AUNIP: variants seen among roughly 807,000 people sequenced by gnomAD.
AUNIP encodes the protein aurora kinase A and ninein interacting protein.
AUNIP carries 16 observed loss-of-function variants against 12.2 expected under a neutral mutation model. The observed-to-expected ratio is 1.31, with a 90% CI of 0.88 to 1.99. The LOEUF is 1.99. Ranked by LOEUF, AUNIP falls within the 30% of genes most tolerant of loss-of-function variation. The probability of loss-of-function intolerance (pLI) is 0.00; values close to 1 mark genes in which losing one functional copy is unlikely to be tolerated. For missense variants in AUNIP, 411 were observed against 419.1 expected (o/e 0.98, Z 0.17); for synonymous variants, 142 against 154.8 (o/e 0.92, Z 0.61).
At position 25,847,125 on chromosome 1, in the gene AUNIP, T is replaced by C. The variant is rs2048388267; in HGVS notation, c.79-9571A>G. ...CATTTTCTATTTTTATTTTTCTCTG[T>C]CCTTTACCTACTCAGCTACCAATTT... On this transcript the variant is annotated intron_variant, in intron 1 of 2. Transcript: ENST00000374298. This position sits in a 1 kb window ranked among gnomAD's most constrained non-coding sequence, Gnocchi z 4.2. Among the ~76,000 whole-genome samples, 1 of 152,240 alleles carries C rather than the reference T, an allele frequency of 6.6e-6. No individual in the cohort carries two copies. Among genetic ancestry groups the C allele is most frequent in the South Asian group, 2.1e-4 (1 of 4,832 alleles).
In AUNIP at chr1:25,834,915, C is replaced by A; in HGVS notation, c.*78G>T. 6.5e-7 allele frequency: 1 copy of A among 1,531,236 alleles called. No individual in the cohort carries two copies. 94.9% of individuals were successfully genotyped at this position (1,531,236 alleles called of 1,614,324 possible). A position where few individuals can be genotyped will look rare whatever the true frequency, so the allele number is the denominator to read the frequency against. On this transcript the variant is annotated 3_prime_UTR_variant, in exon 3 of 3. Transcript: ENST00000374298. ...CCACCTTCCCACCTAAACAAACTCA[C>A]TCCTCTCTCCACCCACAACTATATT...
intron 1 of AUNIP, among the ~76,000 whole-genome samples, chr1:25,838,275 C>T (rs551705958): frequency 2.0e-5 from 3 of 151,980 alleles, no homozygotes; most frequent in East Asian, 3.9e-4. Flanking sequence ...GAGGCCGAGG[C>T]GGGTGGATCA....
At position 25,849,426 on chromosome 1, in the gene AUNIP, C is replaced by A. The variant is rs146112536; in HGVS notation, c.78+9854G>T. Among the ~76,000 whole-genome samples, 249 of 152,290 alleles carry A rather than the reference C, an allele frequency of 1.6e-3. 2 individuals carry two copies. Among genetic ancestry groups the A allele is most frequent in the African/African-American group, 5.7e-3 (236 of 41,546 alleles). On this transcript the variant is annotated intron_variant, in intron 1 of 2. Coordinates refer to ENST00000374298, the MANE Select transcript of AUNIP (RefSeq NM_024037.3). ...GCAGTCATTCCTCATTCCCATCCCA[C>A]CCCAGGCCCAGAAAATCACTTACTT... is the stretch of plus-strand genomic sequence containing the variant.
In AUNIP at chr1:25,834,783, A is replaced by G; in HGVS notation, c.*210T>C. On this transcript the variant is annotated 3_prime_UTR_variant, in exon 3 of 3. Transcript: ENST00000374298. Reference sequence around the variant, plus strand: ...GACTCATTCAGGGAATTTACCAGCCACCACCTTCCTGAGGGAAAGCCATGA... The same window carrying G: ...GACTCATTCAGGGAATTTACCAGCCGCCACCTTCCTGAGGGAAAGCCATGA... 5 of 1,410,066 alleles carry G rather than the reference A, an allele frequency of 3.5e-6. No individual in the cohort carries two copies. Among genetic ancestry groups the G allele is most frequent in the Non-Finnish European group, 3.7e-6 (4 of 1,086,352 alleles). 87.3% of individuals were successfully genotyped at this position (1,410,066 alleles called of 1,614,324 possible). A position where few individuals can be genotyped will look rare whatever the true frequency, so the allele number is the denominator to read the frequency against.
chr1:25,843,145 C>G (rs901554748), intron 1 of AUNIP, among the ~76,000 whole-genome samples: 6 of 148,154 alleles, frequency 4.0e-5, no homozygotes, highest in African/African-American at 1.2e-4. Context: ...CCACAGCACT[C>G]CAGCCAGGGT....
intron 1 of AUNIP, among the ~76,000 whole-genome samples, chr1:25,856,691 C>G (rs2048464482): frequency 6.6e-6 from 1 of 152,098 alleles, no homozygotes; most frequent in South Asian, 2.1e-4. Flanking sequence ...ACAACAACAA[C>G]AACAACAACA....
At position 25,847,789 on chromosome 1, in the gene AUNIP, A is replaced by G. The variant is rs1431747570; in HGVS notation, c.79-10235T>C. ...GTGAAACCCAGTCTACCAAAAATAC[A>G]AAAAAATTAGCCAGGTACAGTGGCG... On this transcript the variant is annotated intron_variant, in intron 1 of 2. Transcript: ENST00000374298. This position sits in a 1 kb window ranked among gnomAD's most constrained non-coding sequence, Gnocchi z 4.2. Among the ~76,000 whole-genome samples, 1 of 151,928 alleles carries G rather than the reference A, an allele frequency of 6.6e-6. No homozygotes were observed. Among genetic ancestry groups the G allele is most frequent in the Non-Finnish European group, 1.5e-5 (1 of 67,978 alleles).
intron 1 of AUNIP, among the ~76,000 whole-genome samples, chr1:25,841,477 G>A (rs1232280335): frequency 6.6e-6 from 1 of 151,768 alleles, no homozygotes; most frequent in Non-Finnish European, 1.5e-5. Flanking sequence ...GTCCCATTTT[G>A]GTACTTCTTG....
Position 25,837,397 on chromosome 1 carries a change from A to ATC in AUNIP, c.220+15_220+16insGA, listed in dbSNP as rs771000006. On this transcript the variant is annotated intron_variant, in intron 2 of 2. Transcript: ENST00000374298. ...TTGCTCTGGATAATGAAGTATTCCC[A>ATC]TATGGGTCACCATACCTGGCTGCAA... 3 of 1,611,100 alleles carry ATC rather than the reference A, an allele frequency of 1.9e-6. No individual in the cohort carries two copies. The South Asian group carries it at 3.3e-5, about 18-fold the overall frequency.
At chr1:25,837,973 G>T (rs1055759954) in intron 1 of AUNIP, among the ~76,000 whole-genome samples, 16 of 152,110 alleles carry the variant, frequency 1.1e-4, no homozygotes, top group African/African-American at 3.9e-4. Context: ...GGGCGCGGTG[G>T]CTCACGCCTG....
downstream of AUNIP, among the ~76,000 whole-genome samples, chr1:25,833,480 T>C (rs757435562): frequency 6.6e-5 from 10 of 152,084 alleles, no homozygotes; most frequent in Admixed American, 3.9e-4. Context: ...ACGATAAAAG[T>C]AGAATTTAAC....
At chr1:25,846,354 G>A (rs1422126903) in intron 1 of AUNIP, among the ~76,000 whole-genome samples, 2 of 146,494 alleles carry the variant, frequency 1.4e-5, no homozygotes, top group Non-Finnish European at 3.0e-5. Flanking sequence ...AGGAGGTGGA[G>A]GCTTCAGTGA....
downstream of AUNIP, among the ~76,000 whole-genome samples, chr1:25,833,710 T>C (rs1213164840): frequency 6.6e-6 from 1 of 151,458 alleles, no homozygotes; most frequent in Non-Finnish European, 1.5e-5. Context: ...ACCGTGTTCA[T>C]GCCACCACAC....
chr1:25,853,048 G>A (rs1290202810), intron 1 of AUNIP, among the ~76,000 whole-genome samples: 1 of 152,060 alleles, frequency 6.6e-6, no homozygotes, highest in Non-Finnish European at 1.5e-5. Flanking sequence ...TTGTGACCTA[G>A]TATTTGTGGA....
At chr1:25,855,297 G>A (rs1048372938) in intron 1 of AUNIP, among the ~76,000 whole-genome samples, 2 of 152,046 alleles carry the variant, frequency 1.3e-5, no homozygotes, top group Admixed American at 6.6e-5. Flanking sequence ...ATTTGTGGAC[G>A]TACATTAAAA....
Position 25,834,068 on chromosome 1 carries a change from GA to G in AUNIP, c.*924del. ...AAGGGGATTCCCTCCTATCTTGTGGGAAAAGGGTAACAGAGTCACATCCAGA... is the reference window on the plus strand; with the variant it reads ...AAGGGGATTCCCTCCTATCTTGTGGGAAAGGGTAACAGAGTCACATCCAGA... On this transcript the variant is annotated 3_prime_UTR_variant, in exon 3 of 3. Transcript: ENST00000374298. 1.0e-6 allele frequency: 1 copy of G among 985,356 alleles called. No homozygotes were observed. Among genetic ancestry groups the G allele is most frequent in the Non-Finnish European group, 1.2e-6 (1 of 829,856 alleles). 61.0% of individuals were successfully genotyped at this position (985,356 alleles called of 1,614,324 possible).
intron 1 of AUNIP, among the ~76,000 whole-genome samples, chr1:25,856,867 A>C (rs2048465503): frequency 6.6e-6 from 1 of 151,756 alleles, no homozygotes; most frequent in Non-Finnish European, 1.5e-5. Context: ...CAGCACTTTG[A>C]GAAGCCACGG....
At chr1:25,833,927 A>G (rs999448916), downstream of AUNIP, 4 of 736,262 alleles carry the variant, frequency 5.4e-6, no homozygotes, top group African/African-American at 7.7e-5. Context: ...GCTCAGGGCA[A>G]TGACAGCATA....
At chr1:25,846,217 G>A (rs367560057) in intron 1 of AUNIP, among the ~76,000 whole-genome samples, 2 of 151,948 alleles carry the variant, frequency 1.3e-5, no homozygotes, top group East Asian at 1.9e-4. Flanking sequence ...GTAGGAGTTC[G>A]AGATCAGCCT....
Sources: allele counts gnomAD v4.1 joint callset (sites outside exome capture counted in the v4.1 genomes callset), GRCh38; gene constraint gnomAD v4.1.1; non-coding constraint Gnocchi (gnomAD v3.1); transcripts MANE v1.5; gene names NCBI Gene and HGNC (gene_info 2026-07-23, HGNC 2026-07-21).